PAX7: variants seen among roughly 807,000 people sequenced by gnomAD.
PAX7 encodes paired box protein Pax-7.
A neutral mutation model predicts 50.7 loss-of-function variants in PAX7; 18 were observed. The ratio of observed to expected loss-of-function variants is 0.36; its 90% CI spans 0.25 to 0.53. The LOEUF is 0.53. PAX7 is among the 20% of genes least tolerant of loss of function. The pLI is 0.93. For synonymous variants in PAX7, 310 were observed against 290.4 expected (o/e 1.07, Z -0.69); for missense variants, 644 against 702.9 (o/e 0.92, Z 0.95).
At position 18,743,807 on chromosome 1, in the gene PAX7, T is replaced by G. The variant is rs149721183; in HGVS notation, c.1403-1007T>G. ...GGCAGGTACCTGGCTGAGTTGGAAC[T>G]CACCTGTACACAGTGCCTGCACATG... On this transcript the variant is annotated intron_variant, in intron 8 of 8. Transcript: ENST00000420770. 6.4e-4 allele frequency among the ~76,000 whole-genome samples: 97 copies of G among 152,346 alleles called. No homozygotes were observed. The East Asian group carries it at 0.018, about 28-fold the overall frequency.
At chr1:18,740,006 G>A (rs751112635) in intron 8 of PAX7, among the ~76,000 whole-genome samples, 3 of 152,162 alleles carry the variant, frequency 2.0e-5, no homozygotes, top group African/African-American at 7.2e-5. Context: ...CTGACGAGGC[G>A]CTGACGGCTG....
intron 5 of PAX7, among the ~76,000 whole-genome samples, chr1:18,695,818 C>A (rs920515410): frequency 1.3e-5 from 2 of 152,178 alleles, no homozygotes; most frequent in Non-Finnish European, 2.9e-5. Context: ...CCAAGGTCAC[C>A]CCATGGCCTC....
At chr1:18,643,873 C>T (rs1210146930) in intron 4 of PAX7, among the ~76,000 whole-genome samples, 2 of 152,272 alleles carry the variant, frequency 1.3e-5, no homozygotes, top group East Asian at 3.9e-4. Context: ...CCGGGTTCTG[C>T]GCTCCAACCC....
chr1:18,721,391 G>T (rs75727062), intron 7 of PAX7, among the ~76,000 whole-genome samples: 1 of 152,164 alleles, frequency 6.6e-6, no homozygotes, highest in African/African-American at 2.4e-5. Flanking sequence ...GGTGTGCAGC[G>T]CAGGGACTGA....
intron 4 of PAX7, among the ~76,000 whole-genome samples, chr1:18,657,137 C>A (rs974621784): frequency 6.6e-6 from 1 of 152,286 alleles, no homozygotes; most frequent in East Asian, 1.9e-4. Flanking sequence ...CACGACCCCA[C>A]CTTACCAGGC....
At chr1:18,689,705 G>A (rs1447476381) in intron 4 of PAX7, among the ~76,000 whole-genome samples, 1 of 152,166 alleles carries the variant, frequency 6.6e-6, no homozygotes, top group Admixed American at 6.5e-5. Context: ...TCACACATCC[G>A]GGCCATACCC....
intron 8 of PAX7, among the ~76,000 whole-genome samples, chr1:18,736,598 C>T (rs1012328908): frequency 2.0e-5 from 3 of 151,988 alleles, no homozygotes; most frequent in Admixed American, 6.6e-5. Context: ...ATTTTACATT[C>T]TCTTCTTTAT....
At chr1:18,689,154 C>T (rs1189020648) in intron 4 of PAX7, among the ~76,000 whole-genome samples, 1 of 152,156 alleles carries the variant, frequency 6.6e-6, no homozygotes, top group Non-Finnish European at 1.5e-5. Context: ...TCTGGTGCCC[C>T]ACTCCCCATC....
intron 3 of PAX7, among the ~76,000 whole-genome samples, chr1:18,635,921 C>T (rs1355890816): frequency 6.6e-6 from 1 of 151,734 alleles, no homozygotes; most frequent in Non-Finnish European, 1.5e-5. Flanking sequence ...CCAGAGAGGC[C>T]CTGGGACCTC....
intron 6 of PAX7, among the ~76,000 whole-genome samples, chr1:18,701,323 C>A (rs1273864084): frequency 1.3e-5 from 2 of 151,562 alleles, no homozygotes; most frequent in Non-Finnish European, 2.9e-5. Context: ...CGTGTGAGTG[C>A]GTGCATGAGT....
rs776732117 is a variant in PAX7 at position 18,664,722 on chromosome 1, C to A, written c.587-27032C>A. The stretch of plus-strand genomic sequence containing the variant: ...GCAGCTTGGGACCATCTAGTCCTAT[C>A]CCCCCATTTTACAGATCAGGAAGGT... On this transcript the variant is annotated intron_variant, in intron 4 of 8. Transcript: ENST00000420770. 3.9e-5 allele frequency among the ~76,000 whole-genome samples: 6 copies of A among 152,062 alleles called. No individual in the cohort carries two copies. In the South Asian group the frequency reaches 1.3e-3, roughly 32 times the overall value.
rs2841091 is a variant in PAX7 at position 18,672,558 on chromosome 1, C to G, written c.587-19196C>G. On this transcript the variant is annotated intron_variant, in intron 4 of 8. Coordinates refer to ENST00000420770, the MANE Select transcript of PAX7 (RefSeq NM_001135254.2). ...CATCCCTGTCTCAGATGCAGTGTCC[C>G]CTCCTGCCAAATGCGGCCCTAGACT... 7.3e-3 allele frequency among the ~76,000 whole-genome samples: 1,111 copies of G among 151,744 alleles called. 14 individuals are homozygous for G. The highest frequency in any genetic ancestry group is 0.024 in the African/African-American group (990 of 41,322).
chr1:18,642,492 C>CATTCCAGAA (rs2088271446), intron 4 of PAX7, among the ~76,000 whole-genome samples: 1 of 152,202 alleles, frequency 6.6e-6, no homozygotes, highest in East Asian at 1.9e-4. Context: ...GGGGAGGACA[C>CATTCCAGAA]ATTCCAGAAA....
intron 7 of PAX7, among the ~76,000 whole-genome samples, chr1:18,703,597 G>T (rs978592700): frequency 6.6e-6 from 1 of 152,196 alleles, no homozygotes; most frequent in Non-Finnish European, 1.5e-5. Flanking sequence ...CTGTGTGATT[G>T]GTTAAGTCAT....
chr1:18,644,877 T>C (rs888652353), intron 4 of PAX7, among the ~76,000 whole-genome samples: 5 of 152,186 alleles, frequency 3.3e-5, no homozygotes, highest in Admixed American at 6.5e-5. Context: ...GGAGTGTATG[T>C]GTGTGAATGT....
intron 7 of PAX7, among the ~76,000 whole-genome samples, chr1:18,722,604 T>A (rs2089508758): frequency 6.6e-6 from 1 of 152,140 alleles, no homozygotes; most frequent in Non-Finnish European, 1.5e-5. Flanking sequence ...GAATGGAGCC[T>A]GCGTTCCCTG....
chr1:18,735,153 G>A lies in PAX7; in HGVS notation c.1156-479G>A, dbSNP rs544424209. Among the ~76,000 whole-genome samples the A allele has an allele frequency of 6.6e-6, 1 of 152,326 alleles. No homozygotes were observed. Among genetic ancestry groups the A allele is most frequent in the Non-Finnish European group, 1.5e-5 (1 of 68,028 alleles). Reference sequence around the variant, plus strand: ...GCAGAGCAAGCCACACACAGTGACAGCAGACAGATCAAGAGTCCTGCTGTA... The same window carrying A: ...GCAGAGCAAGCCACACACAGTGACAACAGACAGATCAAGAGTCCTGCTGTA... On this transcript the variant is annotated intron_variant, in intron 7 of 8. Coordinates refer to ENST00000420770, the MANE Select transcript of PAX7 (RefSeq NM_001135254.2). This position sits in a 1 kb window ranked among gnomAD's most constrained non-coding sequence, Gnocchi z 4.0.
At chr1:18,645,531 A>C (rs1243160036) in intron 4 of PAX7, among the ~76,000 whole-genome samples, 2 of 152,192 alleles carry the variant, frequency 1.3e-5, no homozygotes, top group Non-Finnish European at 2.9e-5. Context: ...CTACAGTCCC[A>C]AGCCTCCGCG....
intron 6 of PAX7, among the ~76,000 whole-genome samples, chr1:18,701,457 T>G (rs758404718): frequency 6.6e-5 from 10 of 152,044 alleles, no homozygotes; most frequent in African/African-American, 2.4e-4. Flanking sequence ...AGTGTGTGCA[T>G]GTGCACGTGT....
Sources: gnomAD v4.1 joint callset for allele counts (sites outside exome capture counted in the v4.1 genomes callset) on GRCh38, gnomAD v4.1.1 for gene constraint, Gnocchi (gnomAD v3.1) non-coding constraint, MANE v1.5 for transcripts, NCBI Gene and HGNC (gene_info 2026-07-23, HGNC 2026-07-21) for gene names.